LPAR1: variants seen among roughly 807,000 people sequenced by gnomAD.
LPAR1 encodes the protein LPA receptor 1.
Under a neutral mutation model 23.8 loss-of-function variants are expected in LPAR1, and 5 were observed. The observed-to-expected ratio is 0.21, with a 90% confidence interval of 0.11 to 0.44. LPAR1 has a LOEUF of 0.44. Among genes scored for constraint, LPAR1 ranks in the 20% least tolerant of loss-of-function variants. The pLI is 0.99. For synonymous variants in LPAR1, 160 were observed against 164.7 expected, an observed-to-expected ratio of 0.97 and a Z score of 0.22; for missense variants, 311 against 482.8, an observed-to-expected ratio of 0.64 and a Z score of 3.33.
At chr9:110,935,742 C>T (rs1315047005) in intron 5 of LPAR1, among the ~76,000 whole-genome samples, 1 of 152,210 alleles carries the variant, frequency 6.6e-6, no homozygotes, top group Non-Finnish European at 1.5e-5. Flanking sequence ...CAGTTAGTGC[C>T]TGTTTTCATT....
In LPAR1 at chr9:110,895,763, G is replaced by A. The variant is rs73655657; in HGVS notation, c.794-20041C>T. ...GCTGGGCAGCTGGGCAAAGGCCAGC[G>A]CTGAGAGAATTTCATTGCAGAACAG... On this transcript the variant is annotated intron_variant, in intron 5 of 5. Coordinates refer to ENST00000683809, the MANE Select transcript of LPAR1 (RefSeq NM_001351411.2). 4.1e-3 allele frequency among the ~76,000 whole-genome samples: 623 copies of A among 152,234 alleles called. 2 individuals carry two copies. Among genetic ancestry groups the A allele is most frequent in the African/African-American group, 0.013 (529 of 41,542 alleles).
chr9:110,916,216 C>G (rs1038704042), intron 5 of LPAR1, among the ~76,000 whole-genome samples: 1 of 152,122 alleles, frequency 6.6e-6, no homozygotes, highest in Non-Finnish European at 1.5e-5. Context: ...AATAACCTTA[C>G]GAGATGGGAC....
intron 4 of LPAR1, among the ~76,000 whole-genome samples, chr9:110,959,883 G>A (rs1464777584): frequency 6.6e-6 from 1 of 152,100 alleles, no homozygotes; most frequent in African/African-American, 2.4e-5. Flanking sequence ...TATATTAAGC[G>A]AAATAAGCCA....
chr9:111,030,115 A>G (rs1173086594), intron 2 of LPAR1, among the ~76,000 whole-genome samples: 2 of 151,988 alleles, frequency 1.3e-5, no homozygotes, highest in Non-Finnish European at 2.9e-5. Flanking sequence ...GTTCTCCAAG[A>G]TATCAGCTGC....
intron 5 of LPAR1, among the ~76,000 whole-genome samples, chr9:110,919,891 A>G (rs1259983937): frequency 6.6e-6 from 1 of 152,212 alleles, no homozygotes; most frequent in East Asian, 1.9e-4. Context: ...ATAGTGACTC[A>G]GCACACACAC....
chr9:111,037,601 G>T (rs946052863), intron 1 of LPAR1, among the ~76,000 whole-genome samples: 20 of 152,360 alleles, frequency 1.3e-4, no homozygotes, highest in African/African-American at 4.6e-4. Flanking sequence ...TTGTTAGGCG[G>T]CTGGACAGAA....
intron 5 of LPAR1, among the ~76,000 whole-genome samples, chr9:110,917,001 A>T (rs2093190838): frequency 6.6e-6 from 1 of 151,828 alleles, no homozygotes; most frequent in Non-Finnish European, 1.5e-5. Flanking sequence ...TGGAAGATAA[A>T]ATAACTTCTT....
chr9:110,984,898 T>G (rs995529003), intron 2 of LPAR1, among the ~76,000 whole-genome samples: 3 of 152,036 alleles, frequency 2.0e-5, no homozygotes, highest in Non-Finnish European at 4.4e-5. Context: ...ATTCTTCACC[T>G]TTTGAGAAAG....
At chr9:110,981,393 A>G in intron 2 of LPAR1, among the ~76,000 whole-genome samples, 1 of 152,046 alleles carries the variant, frequency 6.6e-6, no homozygotes, top group East Asian at 1.9e-4. Context: ...GGGTATAATA[A>G]TAGTAAGGCT....
intron 4 of LPAR1, among the ~76,000 whole-genome samples, chr9:110,969,482 T>C (rs924155965): frequency 2.0e-5 from 3 of 152,070 alleles, no homozygotes; most frequent in Non-Finnish European, 4.4e-5. Flanking sequence ...GAGGCCAAGA[T>C]GGGCAGATCA....
intron 5 of LPAR1, among the ~76,000 whole-genome samples, chr9:110,927,152 G>A (rs567129833): frequency 6.6e-6 from 1 of 152,254 alleles, no homozygotes; most frequent in African/African-American, 2.4e-5. Flanking sequence ...TCAATTCAAC[G>A]AGTAAGTGGC....
chr9:110,876,934 G>A (rs1421931111), intron 5 of LPAR1, among the ~76,000 whole-genome samples: 3 of 152,304 alleles, frequency 2.0e-5, no homozygotes, highest in East Asian at 3.9e-4. Flanking sequence ...TCTACTGAAA[G>A]AACATGAGCC....
Position 110,972,089 on chromosome 9 carries a change from A to G in LPAR1, c.29T>C (p.Val10Ala), listed in dbSNP as rs1395832083. 1.2e-6 allele frequency: 2 copies of G among 1,613,878 alleles called. No homozygotes were observed. The highest frequency in any genetic ancestry group is 1.7e-6 in the Non-Finnish European group (2 of 1,179,894). The change falls in exon 4 of 6, where the codon GTA becomes GCA. Residue 10 changes from valine to alanine, a missense_variant. Around this residue, in one of 2 missense-constraint regions of LPAR1, gnomAD observed 61 missense variants for 55.6 expected, o/e 1.10. Transcript: ENST00000683809. ...AGCCCTTACCTGGGGCTGTGAAATTACAGGGATGGAAGTAGAGATGGCAGC... is the reference window on the plus strand; with the variant it reads ...AGCCCTTACCTGGGGCTGTGAAATTGCAGGGATGGAAGTAGAGATGGCAGC... The part of the protein sequence containing the change: MAAISTSIP[V>A]ISQPQFTAMN...
chr9:111,000,393 C>T (rs1022909637), intron 2 of LPAR1, among the ~76,000 whole-genome samples: 3 of 152,116 alleles, frequency 2.0e-5, no homozygotes, highest in African/African-American at 4.8e-5. Flanking sequence ...CCACTTTGAT[C>T]GGGTGACTTC....
At chr9:110,978,493 C>G (rs2096605035) in intron 2 of LPAR1, among the ~76,000 whole-genome samples, 1 of 152,040 alleles carries the variant, frequency 6.6e-6, no homozygotes, top group Non-Finnish European at 1.5e-5. Flanking sequence ...CTTTAGAAAA[C>G]TATTACAGAT....
At chr9:111,012,192 A>T (rs2097343718) in intron 2 of LPAR1, among the ~76,000 whole-genome samples, 1 of 152,178 alleles carries the variant, frequency 6.6e-6, no homozygotes, top group Non-Finnish European at 1.5e-5. Context: ...TCAAGGCTGC[A>T]ATGAGCAGTT....
intron 4 of LPAR1, among the ~76,000 whole-genome samples, chr9:110,950,200 C>T (rs1306959775): frequency 6.6e-6 from 1 of 152,032 alleles, no homozygotes; most frequent in East Asian, 1.9e-4. Context: ...TGGTTGATGC[C>T]TGTAATCCCA....
intron 5 of LPAR1, among the ~76,000 whole-genome samples, chr9:110,918,346 T>C (rs376422959): frequency 6.6e-6 from 1 of 152,122 alleles, no homozygotes. Flanking sequence ...AACCAGCATG[T>C]TTCCTATACC....
At chr9:110,952,734 C>G (rs747151936) in intron 4 of LPAR1, among the ~76,000 whole-genome samples, 1 of 152,132 alleles carries the variant, frequency 6.6e-6, no homozygotes, top group Non-Finnish European at 1.5e-5. Context: ...GACCACAGCA[C>G]AGCCATTGCC....
Sources: allele counts gnomAD v4.1 joint callset (sites outside exome capture counted in the v4.1 genomes callset), GRCh38; gene constraint gnomAD v4.1.1; regional missense constraint gnomAD v4.1.1; transcripts MANE v1.5; gene names NCBI Gene and HGNC (gene_info 2026-07-23, HGNC 2026-07-21).